Variants in BZW2 observed in about 807,000 individuals in gnomAD.
The protein encoded by BZW2 is eIF5-mimic protein 1.
A neutral mutation model predicts 53.2 loss-of-function variants in BZW2; 23 were observed. That is an observed-to-expected ratio of 0.43 (90% CI 0.31 to 0.61). The LOEUF is 0.61. Ranked by LOEUF, BZW2 falls within the 20% of genes least tolerant of loss-of-function variation. The pLI is 0.09. For missense variants in BZW2, 409 were observed against 503.1 expected (o/e 0.81, Z 1.79); for synonymous variants, 227 against 186.4 (o/e 1.22, Z -1.77).
intron 1 of BZW2, among the ~76,000 whole-genome samples, chr7:16,654,703 TG>T (rs140594751): frequency 7.6e-6 from 1 of 131,174 alleles, no homozygotes; most frequent in Non-Finnish European, 1.7e-5. Flanking sequence ...CCTGGCTAAT[TG>T]TTTTTTTTTT....
chr7:16,699,555 C>G (rs1040398932), intron 10 of BZW2, among the ~76,000 whole-genome samples: 3 of 152,128 alleles, frequency 2.0e-5, no homozygotes, highest in Admixed American at 1.3e-4. Context: ...AGTTAGTTAC[C>G]TGAACATAGT....
At chr7:16,673,066 C>G (rs866879043) in intron 2 of BZW2, among the ~76,000 whole-genome samples, 15 of 152,136 alleles carry the variant, frequency 9.9e-5, no homozygotes, top group South Asian at 2.1e-4. Flanking sequence ...CTGCTTCAGC[C>G]TCCCGAGTAG....
chr7:16,658,347 T>A (rs979081636), intron 1 of BZW2, among the ~76,000 whole-genome samples: 1 of 152,232 alleles, frequency 6.6e-6, no homozygotes, highest in Non-Finnish European at 1.5e-5. Context: ...TCTACATGGA[T>A]ATTTAAAATG....
Position 16,694,869 on chromosome 7 carries a change from T to C in BZW2, c.687T>C (p.His229=). 6.4e-7 allele frequency: 1 copy of C among 1,551,756 alleles called. No individual in the cohort carries two copies. The highest frequency in any genetic ancestry group is 8.8e-7 in the Non-Finnish European group (1 of 1,133,516). Residue 229 remains histidine, a synonymous_variant, in exon 8 of 12, where the codon CAT becomes CAC. Transcript: ENST00000258761. ...LFPVNRQSVD[H]FAKYFTDAGL... Reference sequence around the variant, plus strand: ...CAGTTAACAGACAGAGTGTGGATCATTTTGCTAAATACTTCACTGACGCAG... The same window carrying C: ...CAGTTAACAGACAGAGTGTGGATCACTTTGCTAAATACTTCACTGACGCAG...
chr7:16,704,645 G>C lies in BZW2; in HGVS notation c.1207G>C (p.Glu403Gln). ...TCTTGACCAGATGAAGAAATTTGTT[G>C]AGTGGTTACAAAATGCAGAAGAAGG... Reference protein sequence around the residue: ...VFLDQMKKFVEWLQNAEEESE... With the variant: ...VFLDQMKKFVQWLQNAEEESE... The change falls in exon 11 of 12, where the codon GAG (glutamate) becomes CAG (glutamine). Residue 403 changes from glutamate to glutamine, a missense_variant. Transcript: ENST00000258761. 1 of 1,589,854 alleles carries C rather than the reference G, an allele frequency of 6.3e-7. No individual in the cohort carries two copies. The highest frequency in any genetic ancestry group is 8.6e-7 in the Non-Finnish European group (1 of 1,161,678).
rs1462875506 is a variant in BZW2, at chr7:16,706,053, C to G, written c.1232-7C>G. 5 of 1,613,740 alleles carry G rather than the reference C, an allele frequency of 3.1e-6. No homozygotes were observed. The highest frequency in any genetic ancestry group is 2.2e-5 in the East Asian group (1 of 44,836). Reference sequence around the variant, plus strand: ...AGGAAATATCTCACTTCTTTCTTCTCTCCTAGAATCCGAATCGGAAGGTGA... The same window carrying G: ...AGGAAATATCTCACTTCTTTCTTCTGTCCTAGAATCCGAATCGGAAGGTGA... On this transcript the variant is annotated splice_polypyrimidine_tract_variant and splice_region_variant and intron_variant, in intron 11 of 11. Transcript: ENST00000258761.
chr7:16,683,722 A>G (rs898990670), intron 5 of BZW2, among the ~76,000 whole-genome samples: 2 of 152,168 alleles, frequency 1.3e-5, no homozygotes, highest in Non-Finnish European at 2.9e-5. Context: ...TATGGCACCC[A>G]CTACCTTTAC....
intron 5 of BZW2, among the ~76,000 whole-genome samples, chr7:16,684,015 A>G (rs1037781128): frequency 1.3e-5 from 2 of 152,244 alleles, no homozygotes; most frequent in African/African-American, 2.4e-5. Flanking sequence ...TAGCATGGAT[A>G]TATAAAGCTA....
chr7:16,651,488 T>A (rs1781982085), intron 1 of BZW2, among the ~76,000 whole-genome samples: 1 of 152,238 alleles, frequency 6.6e-6, no homozygotes, highest in Non-Finnish European at 1.5e-5. Context: ...AAAGAAATGT[T>A]ATATGTTTTT....
At chr7:16,661,121 T>G (rs1782247919) in intron 1 of BZW2, 1 of 152,142 alleles carries the variant, frequency 6.6e-6, no homozygotes, top group Non-Finnish European at 1.5e-5. Context: ...GTTAGTAATA[T>G]AGCATGTTAC....
intron 2 of BZW2, among the ~76,000 whole-genome samples, chr7:16,669,435 A>C (rs970692627): frequency 2.0e-5 from 3 of 152,218 alleles, no homozygotes; most frequent in Non-Finnish European, 2.9e-5. Context: ...GCCATGTAAT[A>C]TTGGTTTTAA....
intron 2 of BZW2, among the ~76,000 whole-genome samples, chr7:16,672,085 C>T (rs969900094): frequency 6.6e-6 from 1 of 152,066 alleles, no homozygotes; most frequent in Admixed American, 6.5e-5. Flanking sequence ...TTTTATCACC[C>T]CGGAAACTTC....
chr7:16,705,929 C>A, intron 11 of BZW2, 131 bp from the exon 12 acceptor site: 1 of 997,938 alleles, frequency 1.0e-6, no homozygotes, highest in Non-Finnish European at 1.5e-6. Context: ...GACTATTTTA[C>A]CTTATAATGG....
At chr7:16,694,157 T>A (rs1304117082) in intron 7 of BZW2, among the ~76,000 whole-genome samples, 1 of 152,168 alleles carries the variant, frequency 6.6e-6, no homozygotes, top group African/African-American at 2.4e-5. Flanking sequence ...AAAATGGAAA[T>A]GAGGTGAAAA....
intron 10 of BZW2, among the ~76,000 whole-genome samples, chr7:16,701,653 G>A (rs369497582): frequency 2.0e-5 from 3 of 150,772 alleles, no homozygotes; most frequent in Admixed American, 2.0e-4. Context: ...TTGTCTCTTC[G>A]ATCCTCATGA....
chr7:16,660,259 TA>T, intron 1 of BZW2, among the ~76,000 whole-genome samples: 1 of 152,042 alleles, frequency 6.6e-6, no homozygotes, highest in South Asian at 2.1e-4. Context: ...TCAAAATATA[TA>T]AAAAATTAGC....
At chr7:16,679,777 T>G (rs1166197626) in intron 3 of BZW2, among the ~76,000 whole-genome samples, 2 of 152,270 alleles carry the variant, frequency 1.3e-5, no homozygotes, top group South Asian at 2.1e-4. Context: ...GGTATAAGTA[T>G]ATACACTAGA....
At chr7:16,655,665 T>A (rs1249482630) in intron 1 of BZW2, among the ~76,000 whole-genome samples, 1 of 152,146 alleles carries the variant, frequency 6.6e-6, no homozygotes, top group Admixed American at 6.6e-5. Context: ...TCTTTCCCCA[T>A]CCCCACCTCA....
chr7:16,659,038 G>A (rs917945202), intron 1 of BZW2, among the ~76,000 whole-genome samples: 2 of 150,918 alleles, frequency 1.3e-5, no homozygotes, highest in Admixed American at 1.3e-4. Context: ...GAGGCAGGAG[G>A]ACTGCTTGAG....
Sources: gnomAD v4.1 joint callset for allele counts (sites outside exome capture counted in the v4.1 genomes callset) on GRCh38, gnomAD v4.1.1 for gene constraint, MANE v1.5 for transcripts, NCBI Gene and HGNC (gene_info 2026-07-23, HGNC 2026-07-21) for gene names.